AP3B1: variants seen among roughly 807,000 people sequenced by gnomAD.
The protein encoded by AP3B1 is adaptor related protein complex 3 subunit beta 1, also known as AP-3 complex subunit beta-1.
AP3B1 carries 61 observed loss-of-function variants against 132.5 expected under a neutral mutation model. That is an observed-to-expected ratio of 0.46 (90% CI 0.37 to 0.57). The LOEUF is 0.57. AP3B1 is among the 20% of genes least tolerant of loss of function. AP3B1 has a pLI of 0.00. For synonymous variants in AP3B1, 388 were observed against 438.3 expected (o/e 0.89, Z 1.43); for missense variants, 1,120 against 1,289.4 (o/e 0.87, Z 2.01).
intron 17 of AP3B1, among the ~76,000 whole-genome samples, chr5:78,118,252 C>T (rs905534046): frequency 6.6e-6 from 1 of 152,220 alleles, no homozygotes; most frequent in African/African-American, 2.4e-5. Context: ...CAGCTCCCAG[C>T]GTGAGCGACG....
intron 22 of AP3B1, among the ~76,000 whole-genome samples, chr5:78,048,024 C>T (rs1048124659): frequency 6.6e-6 from 1 of 152,200 alleles, no homozygotes; most frequent in African/African-American, 2.4e-5. Context: ...TGAATAGGAG[C>T]TAAAATCCAG....
intron 14 of AP3B1, among the ~76,000 whole-genome samples, chr5:78,152,296 G>A (rs901999471): frequency 1.3e-5 from 2 of 151,738 alleles, no homozygotes; most frequent in Non-Finnish European, 2.9e-5. Context: ...CAGCAGTGAA[G>A]CCATCGGATC....
intron 7 of AP3B1, among the ~76,000 whole-genome samples, chr5:78,210,623 C>T (rs1170601028): frequency 6.6e-6 from 1 of 152,052 alleles, no homozygotes; most frequent in Non-Finnish European, 1.5e-5. Flanking sequence ...GTTTTAACTT[C>T]CAAATCACTG....
chr5:78,097,909 A>G (rs1394019115), intron 21 of AP3B1, among the ~76,000 whole-genome samples: 4 of 152,206 alleles, frequency 2.6e-5, no homozygotes, highest in African/African-American at 9.7e-5. Flanking sequence ...TAGACATGGG[A>G]GACTTTTCAT....
At chr5:78,117,228 A>C (rs1751888679) in intron 17 of AP3B1, among the ~76,000 whole-genome samples, 1 of 148,590 alleles carries the variant, frequency 6.7e-6, no homozygotes, top group African/African-American at 2.5e-5. Flanking sequence ...CATACTATAC[A>C]ATCTACTTGT....
At chr5:78,223,662 A>G (rs1182392748) in intron 6 of AP3B1, among the ~76,000 whole-genome samples, 2 of 152,138 alleles carry the variant, frequency 1.3e-5, no homozygotes, top group Non-Finnish European at 2.9e-5. Context: ...ATCACATCCC[A>G]TGTGGTGTTA....
intron 22 of AP3B1, among the ~76,000 whole-genome samples, chr5:78,059,939 T>A (rs901011202): frequency 6.6e-6 from 1 of 152,050 alleles, no homozygotes; most frequent in Non-Finnish European, 1.5e-5. Context: ...GTGATAGATA[T>A]AGACACTTGG....
At chr5:78,177,290 A>C (rs1203734105) in intron 9 of AP3B1, 49 bp downstream of exon 9, 1 of 1,218,528 alleles carries the variant, frequency 8.2e-7, no homozygotes, top group South Asian at 1.2e-5. Context: ...TTCAAACATT[A>C]CTTTTGAAGG....
At chr5:78,156,430 C>T (rs561511636) in intron 13 of AP3B1, 63 bp from the exon 14 acceptor site, 292 of 1,167,432 alleles carry the variant, frequency 2.5e-4, no homozygotes, top group East Asian at 1.7e-3. Flanking sequence ...CAATATGCTT[C>T]GTAAAATGTA....
chr5:78,266,131 A>G (rs1475238947), intron 2 of AP3B1, among the ~76,000 whole-genome samples: 3 of 152,218 alleles, frequency 2.0e-5, no homozygotes, highest in Non-Finnish European at 4.4e-5. Flanking sequence ...ATGAAGAGCT[A>G]GCAGTCAAGT....
chr5:78,150,515 C>T (rs561275675), intron 14 of AP3B1, among the ~76,000 whole-genome samples: 4 of 151,890 alleles, frequency 2.6e-5, no homozygotes, highest in African/African-American at 9.7e-5. Flanking sequence ...GCAGATAGTT[C>T]TTTCAAAAAC....
chr5:78,271,696 CTT>C (rs1748551439), intron 1 of AP3B1, among the ~76,000 whole-genome samples: 1 of 152,188 alleles, frequency 6.6e-6, no homozygotes, highest in Admixed American at 6.5e-5. Flanking sequence ...TTTTCTCTCT[CTT>C]GCCCAAATTC....
chr5:78,181,726 T>C lies in AP3B1; in HGVS notation c.787-64A>G, dbSNP rs1226985480. On this transcript the variant is annotated intron_variant, in intron 7 of 26. Transcript: ENST00000255194. ...CTTGAGCAATCTGCATATTATATAG[T>C]CAAAGAAAACTTTCCTTTAAACATC... is the stretch of plus-strand genomic sequence containing the variant. 7 of 1,471,944 alleles carry C rather than the reference T, an allele frequency of 4.8e-6. No homozygotes were observed. The East Asian group carries it at 9.1e-5, about 19-fold the overall frequency. The allele number at this position is 1,471,944 out of a possible 1,614,324, so 91.2% of individuals were successfully genotyped here. A position where few individuals can be genotyped will look rare whatever the true frequency, so the allele number is the denominator to read the frequency against.
At chr5:78,186,636 T>C (rs1343130787) in intron 7 of AP3B1, among the ~76,000 whole-genome samples, 1 of 152,218 alleles carries the variant, frequency 6.6e-6, no homozygotes, top group Non-Finnish European at 1.5e-5. Flanking sequence ...TCTTAAAATT[T>C]CATGTGAATC....
chr5:78,124,187 A>G (rs371932457), intron 17 of AP3B1, among the ~76,000 whole-genome samples: 1 of 152,068 alleles, frequency 6.6e-6, no homozygotes, highest in South Asian at 2.1e-4. Context: ...ATCACACTCC[A>G]GGGACTGTTG....
Position 78,213,168 on chromosome 5 carries a change from C to T in AP3B1, c.786+2887G>A, listed in dbSNP as rs541020865. Among the ~76,000 whole-genome samples, 9 of 152,200 alleles carry T rather than the reference C, an allele frequency of 5.9e-5. No individual in the cohort carries two copies. The South Asian group carries it at 1.0e-3, about 18-fold the overall frequency. On this transcript the variant is annotated intron_variant, in intron 7 of 26. Coordinates refer to ENST00000255194, the MANE Select transcript of AP3B1 (RefSeq NM_003664.5). Reference sequence around the variant, plus strand: ...TGCTGGGATTACAGGCGTGAGCCACCGCGCCCGGCCTCGTCTGCCAACTTC... The same window carrying T: ...TGCTGGGATTACAGGCGTGAGCCACTGCGCCCGGCCTCGTCTGCCAACTTC...
intron 3 of AP3B1, among the ~76,000 whole-genome samples, chr5:78,238,195 G>A (rs1746963643): frequency 6.6e-6 from 1 of 152,140 alleles, no homozygotes; most frequent in Non-Finnish European, 1.5e-5. Flanking sequence ...AAACCCTATT[G>A]TAAACTGCAC....
intron 1 of AP3B1, among the ~76,000 whole-genome samples, chr5:78,276,701 C>T (rs1411951369): frequency 6.6e-6 from 1 of 151,252 alleles, no homozygotes; most frequent in East Asian, 2.0e-4. Flanking sequence ...GACCCTTTCA[C>T]CACAAAAAAA....
chr5:78,035,761 C>T (rs1303157001), intron 23 of AP3B1, among the ~76,000 whole-genome samples: 5 of 152,094 alleles, frequency 3.3e-5, no homozygotes, highest in African/African-American at 4.8e-5. Flanking sequence ...ACAAACCTAA[C>T]ATTTTCCAGG....
Sources: allele counts gnomAD v4.1 joint callset (sites outside exome capture counted in the v4.1 genomes callset), GRCh38; gene constraint gnomAD v4.1.1; transcripts MANE v1.5; gene names NCBI Gene and HGNC (gene_info 2026-07-23, HGNC 2026-07-21).